TIMP3: variants seen among roughly 807,000 people sequenced by gnomAD.
TIMP3 encodes TIMP metallopeptidase inhibitor 3, also known as metalloproteinase inhibitor 3.
TIMP3 carries 11 observed loss-of-function variants against 30.0 expected under a neutral mutation model. The observed-to-expected ratio is 0.37, with a 90% CI of 0.23 to 0.61. The LOEUF (loss-of-function observed/expected upper bound fraction) is 0.61. TIMP3 is among the 20% of genes least tolerant of loss of function. The pLI is 0.70. For synonymous variants in TIMP3, 112 were observed against 111.3 expected (o/e 1.01, Z -0.04); for missense variants, 181 against 276.8 (o/e 0.65, Z 2.45).
intron 1 of TIMP3, among the ~76,000 whole-genome samples, chr22:32,836,510 AG>A (rs2146166469): frequency 6.6e-6 from 1 of 152,342 alleles, no homozygotes; most frequent in South Asian, 2.1e-4. Context: ...TTTAAAATGA[AG>A]GTTTCCTTAA....
At chr22:32,853,378 G>T (rs1348208509) in intron 2 of TIMP3, among the ~76,000 whole-genome samples, 3 of 152,246 alleles carry the variant, frequency 2.0e-5, no homozygotes, top group African/African-American at 7.2e-5. Flanking sequence ...CCAGCATCCA[G>T]AACAGTGTTG....
At chr22:32,846,429 A>G (rs1462609619) in intron 1 of TIMP3, among the ~76,000 whole-genome samples, 17 of 152,224 alleles carry the variant, frequency 1.1e-4, no homozygotes, top group Admixed American at 1.1e-3. Context: ...ATGCCCTAAG[A>G]TGGAATAAAA....
intron 1 of TIMP3, among the ~76,000 whole-genome samples, chr22:32,810,254 A>G (rs914331750): frequency 6.6e-6 from 1 of 152,224 alleles, no homozygotes; most frequent in African/African-American, 2.4e-5. Flanking sequence ...TGACCCATTT[A>G]GAGGCCATCT....
Position 32,837,157 on chromosome 22 carries a change from C to T in TIMP3, c.122-12295C>T, listed in dbSNP as rs988156627. Among the ~76,000 whole-genome samples the T allele has an allele frequency of 3.3e-5, 5 of 152,176 alleles. No individual in the cohort carries two copies. Among genetic ancestry groups the T allele is most frequent in the Admixed American group, 1.3e-4 (2 of 15,276 alleles). On this transcript the variant is annotated intron_variant, in intron 1 of 4. Coordinates refer to ENST00000266085, the MANE Select transcript of TIMP3 (RefSeq NM_000362.5). The surrounding 1 kb of genome is among the most constrained non-coding windows in gnomAD (Gnocchi z 4.1). ...TGTTTGGGCTTCAAAAATGCCCCGACCTGAAAGCTGGAAGTTCTGAGAACC... is the reference window on the plus strand; with the variant it reads ...TGTTTGGGCTTCAAAAATGCCCCGATCTGAAAGCTGGAAGTTCTGAGAACC...
At chr22:32,849,337 C>T in intron 1 of TIMP3, 115 bp from the exon 2 acceptor site, 1 of 840,250 alleles carries the variant, frequency 1.2e-6, no homozygotes, top group Non-Finnish European at 2.0e-6. Flanking sequence ...CAGTTGGCTC[C>T]AAGGTAAGAG....
intron 4 of TIMP3, 115 bp from the exon 5 acceptor site, chr22:32,859,065 G>A (rs2048459436): frequency 2.1e-6 from 2 of 931,392 alleles, no homozygotes; most frequent in Non-Finnish European, 3.5e-6. Flanking sequence ...CTGAGGGACT[G>A]ATGTGGCTAG....
At chr22:32,825,657 CAAAAAAAAAAAAAAAAAAAAAAA>C (rs130292) in intron 1 of TIMP3, among the ~76,000 whole-genome samples, 36 of 28,590 alleles carry the variant, frequency 1.3e-3, no homozygotes, top group African/African-American at 3.2e-3. Context: ...GTTTCCATCT[CAAAAAAAAAAAAAAAAAAAAAAA>C]AAAAAAAAAA....
At chr22:32,851,353 T>C (rs1007250369) in intron 2 of TIMP3, among the ~76,000 whole-genome samples, 21 of 152,142 alleles carry the variant, frequency 1.4e-4, no homozygotes, top group Non-Finnish European at 2.8e-4. Context: ...CATCAGGGCC[T>C]GGAGACCAGG....
chr22:32,858,229 CG>C, intron 4 of TIMP3, 91 bp downstream of exon 4: 1 of 1,566,276 alleles, frequency 6.4e-7, no homozygotes, highest in Non-Finnish European at 8.7e-7. Context: ...GCCAGGCCCT[CG>C]GCTGGGAAGG....
intron 1 of TIMP3, among the ~76,000 whole-genome samples, chr22:32,841,915 T>C (rs1239058161): frequency 6.6e-6 from 1 of 152,084 alleles, no homozygotes; most frequent in African/African-American, 2.4e-5. Flanking sequence ...GTGGGAGCTG[T>C]CAGTTGTGCA....
intron 1 of TIMP3, among the ~76,000 whole-genome samples, chr22:32,813,702 C>T (rs1365160208): frequency 1.3e-5 from 2 of 151,256 alleles, no homozygotes; most frequent in Non-Finnish European, 2.9e-5. Context: ...GCATTTCCCA[C>T]ACTTTCTGAG....
At chr22:32,848,170 G>A (rs1448287718) in intron 1 of TIMP3, among the ~76,000 whole-genome samples, 1 of 152,206 alleles carries the variant, frequency 6.6e-6, no homozygotes, top group Admixed American at 6.5e-5. Flanking sequence ...TAAAAGTCAA[G>A]TCCTCTCCTC....
chr22:32,813,663 AT>A (rs130278), intron 1 of TIMP3, among the ~76,000 whole-genome samples: 73 of 146,798 alleles, frequency 5.0e-4, no homozygotes, highest in East Asian at 3.8e-3. Flanking sequence ...GTAACACCCA[AT>A]TTTTTTTTTT....
intron 1 of TIMP3, among the ~76,000 whole-genome samples, chr22:32,808,178 A>T (rs945030074): frequency 2.6e-5 from 4 of 152,186 alleles, no homozygotes; most frequent in Admixed American, 6.5e-5. Flanking sequence ...ACCATTTATT[A>T]CACCAAGTTG....
intron 1 of TIMP3, among the ~76,000 whole-genome samples, chr22:32,826,394 A>C (rs1250160284): frequency 1.3e-5 from 2 of 152,196 alleles, no homozygotes; most frequent in Non-Finnish European, 2.9e-5. Context: ...GTGTCACTGC[A>C]CTATAGCTTG....
At position 32,840,693 on chromosome 22, in the gene TIMP3, G is replaced by T. The variant is rs181419940; in HGVS notation, c.122-8759G>T. Among the ~76,000 whole-genome samples, 182 of 152,170 alleles carry T rather than the reference G, an allele frequency of 1.2e-3. 1 individual carries two copies. Among genetic ancestry groups the T allele is most frequent in the Admixed American group, 5.0e-3 (76 of 15,282 alleles). ...CAGACTTCTTCCTCCTCTGGATTCA[G>T]ACGCAGCAAACTGAGTCTCTTCTGC... On this transcript the variant is annotated intron_variant, in intron 1 of 4. Coordinates refer to ENST00000266085, the MANE Select transcript of TIMP3 (RefSeq NM_000362.5).
chr22:32,815,916 C>T (rs1055222211), intron 1 of TIMP3, among the ~76,000 whole-genome samples: 3 of 152,124 alleles, frequency 2.0e-5, no homozygotes, highest in Admixed American at 1.3e-4. Context: ...TGGTCTTCAC[C>T]GCCCCACTAG....
rs570597569 is a variant in TIMP3, at chr22:32,804,570, C to T, written c.121+2448C>T. Among the ~76,000 whole-genome samples the T allele has an allele frequency of 7.9e-4, 120 of 152,334 alleles. 2 individuals carry two copies. The highest frequency in any genetic ancestry group is 2.6e-3 in the African/African-American group (106 of 41,566). On this transcript the variant is annotated intron_variant, in intron 1 of 4. Coordinates refer to ENST00000266085, the MANE Select transcript of TIMP3 (RefSeq NM_000362.5). ...TGCCATGTTGGCCTAGCAAAAGGCA[C>T]AGGAGGCCTGGCCTGGTCCTCTCCG... is the stretch of plus-strand genomic sequence containing the variant.
chr22:32,830,660 A>AC (rs149734784), intron 1 of TIMP3, among the ~76,000 whole-genome samples: 1,670 of 151,146 alleles, frequency 0.011, 29 homozygotes, highest in African/African-American at 0.038. Context: ...CCACAGGGCC[A>AC]CCCCCCCGCC....
Sources: gnomAD v4.1 joint callset for allele counts (sites outside exome capture counted in the v4.1 genomes callset) on GRCh38, gnomAD v4.1.1 for gene constraint, Gnocchi (gnomAD v3.1) non-coding constraint, MANE v1.5 for transcripts, NCBI Gene and HGNC (gene_info 2026-07-23, HGNC 2026-07-21) for gene names.